The following IQSEC3 variants were observed in gnomAD, a reference collection of about 807,000 sequenced individuals.
IQSEC3 encodes the protein IQ motif and Sec7 domain ArfGEF 3.
IQSEC3 carries 50 observed loss-of-function variants against 105.4 expected under a neutral mutation model. The ratio of observed to expected loss-of-function variants is 0.47; its 90% CI spans 0.38 to 0.60. The LOEUF is 0.60. Among genes scored for constraint, IQSEC3 ranks in the 20% least tolerant of loss-of-function variants. The probability of loss-of-function intolerance (pLI) is 0.00; values close to 1 mark genes in which losing one functional copy is unlikely to be tolerated. For synonymous variants in IQSEC3, 708 were observed against 746.0 expected, an observed-to-expected ratio of 0.95 and a Z score of 0.83; for missense variants, 1,415 against 1,630.0, an observed-to-expected ratio of 0.87 and a Z score of 2.27.
At chr12:87,852 G>A (rs1468903473) in intron 1 of IQSEC3, among the ~76,000 whole-genome samples, 2 of 152,200 alleles carry the variant, frequency 1.3e-5, no homozygotes, top group Non-Finnish European at 2.9e-5. Flanking sequence ...TGTATTAGCC[G>A]TGTTCTGTTG....
chr12:125,006 CA>C (rs1865338248), intron 2 of IQSEC3, among the ~76,000 whole-genome samples: 1 of 152,112 alleles, frequency 6.6e-6, no homozygotes, highest in African/African-American at 2.4e-5. Context: ...ACCTGGAGTC[CA>C]CCCCCCTGGA....
intron 5 of IQSEC3, chr12:143,826 C>CGTGTGTGTGTGTGTGTGTGTGT (rs111698246): frequency 6.8e-6 from 1 of 147,416 alleles, no homozygotes; most frequent in African/African-American, 2.6e-5. Context: ...GCTGGGCACC[C>CGTGTGTGTGTGTGTGTGTGTGT]GTGTGTGTGT....
At chr12:169,336 G>C (rs1555099608) in intron 12 of IQSEC3, among the ~76,000 whole-genome samples, 1 of 152,232 alleles carries the variant, frequency 6.6e-6, no homozygotes. Flanking sequence ...CCAGAGGTCT[G>C]GAGTCCGTGT....
Position 78,581 on chromosome 12 carries a change from A to G in IQSEC3, c.554+11145A>G, listed in dbSNP as rs537127878. On this transcript the variant is annotated intron_variant, in intron 1 of 13. Transcript: ENST00000538872. ...GTTTATGTTTGTGTTTTATCGCATC[A>G]CAGTCTTAGAATTCCCAGGGCTGTA... is the stretch of plus-strand genomic sequence containing the variant. Among the ~76,000 whole-genome samples, 5 of 152,032 alleles carry G rather than the reference A, an allele frequency of 3.3e-5. No homozygotes were observed. In the East Asian group the frequency reaches 9.6e-4, roughly 29 times the overall value.
chr12:111,986 G>A (rs887774662), intron 2 of IQSEC3: 1 of 152,190 alleles, frequency 6.6e-6, no homozygotes, highest in Non-Finnish European at 1.5e-5. Flanking sequence ...TTATCCCCTA[G>A]TGCACAGGTC....
In IQSEC3 at chr12:99,222, C is replaced by A. The variant is rs1328164830; in HGVS notation, c.623+8C>A. 6.9e-6 allele frequency: 11 copies of A among 1,597,762 alleles called. No homozygotes were observed. The highest frequency in any genetic ancestry group is 9.3e-6 in the Non-Finnish European group (11 of 1,179,234). On this transcript the variant is annotated splice_region_variant and intron_variant, in intron 2 of 13. Transcript: ENST00000538872. ...CGACCTGGCCTCCCAAAGGTGGGAACTGTGGCCCTTCCTCCCTTCCGCATC... is the reference window on the plus strand; with the variant it reads ...CGACCTGGCCTCCCAAAGGTGGGAAATGTGGCCCTTCCTCCCTTCCGCATC...
intron 1 of IQSEC3, among the ~76,000 whole-genome samples, chr12:77,097 T>C (rs370256972): frequency 3.3e-5 from 5 of 152,190 alleles, no homozygotes; most frequent in African/African-American, 1.2e-4. Context: ...TGCTTGGGTC[T>C]AGCCTCCGTG....
Position 138,474 on chromosome 12 carries a change from A to T in IQSEC3, c.1111A>T (p.Met371Leu). 6.3e-7 allele frequency: 1 copy of T among 1,598,950 alleles called. No individual in the cohort carries two copies. The change falls in exon 4 of 14, where the codon ATG becomes TTG. Residue 371 changes from methionine to leucine, a missense_variant. This residue lies in a region of IQSEC3 where 720 missense variants were observed against 633.0 expected (regional missense o/e 1.14). Coordinates refer to ENST00000538872, the MANE Select transcript of IQSEC3 (RefSeq NM_001170738.2). The surrounding 1 kb of genome is among the most constrained non-coding windows in gnomAD (Gnocchi z 7.1). The stretch of plus-strand genomic sequence containing the variant: ...GAGCCTGGCGGCCGAGAAAGCGCTC[A>T]TGGAGGGCTACGGCCTCGTGGGGCT... ...AESLAAEKAL[M>L]EGYGLVGLPL...
chr12:90,030 C>A lies in IQSEC3; in HGVS notation c.555-9116C>A, dbSNP rs1199057090. Among the ~76,000 whole-genome samples, 3 of 152,326 alleles carry A rather than the reference C, an allele frequency of 2.0e-5. No homozygotes were observed. In the East Asian group the frequency reaches 5.8e-4, roughly 29 times the overall value. The stretch of plus-strand genomic sequence containing the variant: ...CAAAGTGTGGCACTATTTTGCATTC[C>A]TTTCAGAGGTGTATGAGAGTTCCAG... On this transcript the variant is annotated intron_variant, in intron 1 of 13. Coordinates refer to ENST00000538872, the MANE Select transcript of IQSEC3 (RefSeq NM_001170738.2).
At chr12:127,416 G>A (rs1332045062) in intron 3 of IQSEC3, among the ~76,000 whole-genome samples, 3 of 152,178 alleles carry the variant, frequency 2.0e-5, no homozygotes, top group African/African-American at 7.2e-5. Context: ...CTACTCAGGA[G>A]GCTGAGGCAG....
chr12:165,696 C>T (rs372753127), intron 10 of IQSEC3, 33 bp from the exon 11 acceptor site: 5 of 1,609,604 alleles, frequency 3.1e-6, no homozygotes, highest in Non-Finnish European at 4.2e-6. Flanking sequence ...CTGCTGCTCA[C>T]AGCCCACTGG....
intron 5 of IQSEC3, among the ~76,000 whole-genome samples, chr12:153,200 C>T (rs1231912100): frequency 8.5e-5 from 13 of 152,062 alleles, no homozygotes; most frequent in East Asian, 3.9e-4. Flanking sequence ...CAGGGGGACA[C>T]GGACCCTGGA....
intron 12 of IQSEC3, 144 bp from the exon 13 acceptor site, chr12:170,968 C>CA: frequency 1.1e-6 from 1 of 918,228 alleles, no homozygotes; most frequent in Non-Finnish European, 1.7e-6. Context: ...TCCTAAGTGG[C>CA]AGAGTGGGGC....
rs1233190283 is a variant in IQSEC3, at chr12:117,470, G to A, written c.624-8163G>A. On this transcript the variant is annotated intron_variant, in intron 2 of 13. Transcript: ENST00000538872. ...TATGAGGGAGGCGGTGCCTGAGGAG[G>A]CCTGAGGAAGCTTCCAGAGGAGGCC... 2.6e-5 allele frequency among the ~76,000 whole-genome samples: 4 copies of A among 152,230 alleles called. No individual in the cohort carries two copies. In the East Asian group the frequency reaches 7.7e-4, roughly 29 times the overall value.
intron 5 of IQSEC3, among the ~76,000 whole-genome samples, chr12:155,345 A>T (rs1035598231): frequency 6.6e-6 from 1 of 152,210 alleles, no homozygotes; most frequent in Admixed American, 6.5e-5. Context: ...TGTCCCGGCC[A>T]GCAAGCCTGA....
Position 125,883 on chromosome 12 carries a change from G to T in IQSEC3, c.874G>T (p.Glu292Ter). 1 of 1,533,774 alleles carries T rather than the reference G, an allele frequency of 6.5e-7. No homozygotes were observed. The change falls in exon 3 of 14, where the codon GAA becomes TAA. Residue 292 changes from glutamate to a stop codon, truncating the protein, a stop_gained. Transcript: ENST00000538872. LOFTEE classifies it high-confidence loss of function. ...CPHAPAASDY[E>*]LSLDLKNKQI... ...CCACGCCCCTGCCGCCTCCGATTAC[G>T]AACTCTCCCTTGACCTAAAGAATAA...
At chr12:163,673 T>C in intron 9 of IQSEC3, 54 bp downstream of exon 9, 1 of 1,016,746 alleles carries the variant, frequency 9.8e-7, no homozygotes, top group Non-Finnish European at 1.6e-6. Flanking sequence ...TCTGCCGCCC[T>C]GGTCAGCCTG....
chr12:123,541 C>G (rs1017702962), intron 2 of IQSEC3, among the ~76,000 whole-genome samples: 2 of 152,210 alleles, frequency 1.3e-5, no homozygotes, highest in African/African-American at 4.8e-5. Flanking sequence ...AAAAAGGCAG[C>G]AGCAATGAAG....
chr12:73,491 T>C (rs1555068106), intron 1 of IQSEC3, among the ~76,000 whole-genome samples: 2 of 152,212 alleles, frequency 1.3e-5, no homozygotes. Context: ...CTGGCCAACA[T>C]GGTGAAACCC....
Sources: gnomAD v4.1 joint callset for allele counts (sites outside exome capture counted in the v4.1 genomes callset) on GRCh38, gnomAD v4.1.1 for gene constraint, gnomAD v4.1.1 regional missense constraint, Gnocchi (gnomAD v3.1) non-coding constraint, MANE v1.5 for transcripts, NCBI Gene and HGNC (gene_info 2026-07-23, HGNC 2026-07-21) for gene names.